Variants in CELSR1 observed in about 807,000 individuals in gnomAD.
The protein encoded by CELSR1 is cadherin EGF LAG seven-pass G-type receptor 1.
In CELSR1, 110 loss-of-function variants were observed where a neutral mutation model predicts 249.1. That is an observed-to-expected ratio of 0.44 (90% CI 0.38 to 0.52). CELSR1 has a LOEUF of 0.52. CELSR1 is among the 20% of genes least tolerant of loss of function. The pLI is 0.00. For missense variants in CELSR1, 4,109 were observed against 4,296.4 expected (o/e 0.96, Z 1.22); for synonymous variants, 2,113 against 1,900.0 (o/e 1.11, Z -2.92).
rs185656625 is a variant in CELSR1 at position 46,527,120 on chromosome 22, G to A, written c.3544+6507C>T. 6.6e-6 allele frequency among the ~76,000 whole-genome samples: 1 copy of A among 152,298 alleles called. No individual in the cohort carries two copies. ...TTGGTTTGCTCATCTCTAGGATGGA[G>A]GTGGCGACGGTACTTTCCATACCAC... is the stretch of plus-strand genomic sequence containing the variant. On this transcript the variant is annotated intron_variant, in intron 1 of 34. Coordinates refer to ENST00000674500, the MANE Select transcript of CELSR1 (RefSeq NM_001378328.1). The surrounding 1 kb of genome is among the most constrained non-coding windows in gnomAD (Gnocchi z 5.5).
At chr22:46,515,471 A>G (rs1311235273) in intron 1 of CELSR1, among the ~76,000 whole-genome samples, 1 of 152,096 alleles carries the variant, frequency 6.6e-6, no homozygotes, top group African/African-American at 2.4e-5. Context: ...CCTTAGACAG[A>G]AAATAGGAAA....
intron 1 of CELSR1, among the ~76,000 whole-genome samples, chr22:46,493,750 T>G (rs964608317): frequency 1.3e-5 from 2 of 152,118 alleles, no homozygotes; most frequent in African/African-American, 4.8e-5. Context: ...GACGTTTTTA[T>G]AGAGGAGTTC....
intron 28 of CELSR1, 43 bp downstream of exon 28, chr22:46,367,686 G>A (rs201263560): frequency 7.7e-6 from 12 of 1,565,920 alleles, no homozygotes; most frequent in African/African-American, 5.4e-5. Flanking sequence ...TGGTGTCACG[G>A]CGGCCAGGCA....
chr22:46,375,321 C>T lies in CELSR1; in HGVS notation c.7584+1740G>A, dbSNP rs183779864. Among the ~76,000 whole-genome samples the T allele has an allele frequency of 2.2e-4, 34 of 152,228 alleles. No individual in the cohort carries two copies. The East Asian group carries it at 5.6e-3, about 25-fold the overall frequency. On this transcript the variant is annotated intron_variant, in intron 24 of 34. Transcript: ENST00000674500. ...CCCATCTCACCCAGACCCTGCCTCT[C>T]AATGGGTGGTACCTTCAACTACTCA...
chr22:46,397,757 T>G lies in CELSR1; in HGVS notation c.5618A>C (p.Asp1873Ala). ...ACAGGGGCTCGAGGTACAGGGGTCG[T>G]CCACATCACAGCCGTCCTTCACCCT... ...KVRVKDGCDV[D>A]DPCTSSPCPP... The change falls in exon 12 of 35, where the codon GAC (aspartate) becomes GCC (alanine). Residue 1873 changes from aspartate to alanine, a missense_variant. Asp to Ala is a moderately radical substitution (Grantham distance 126, BLOSUM62 -2). Around this residue, in one of 7 missense-constraint regions of CELSR1, gnomAD observed 1,805 missense variants for 1,831.6 expected, o/e 0.99. Transcript: ENST00000674500. The G allele has an allele frequency of 6.2e-7, 1 of 1,601,522 alleles. No individual in the cohort carries two copies. The highest frequency in any genetic ancestry group is 1.1e-5 in the South Asian group (1 of 88,652).
chr22:46,396,384 G>A lies in CELSR1; in HGVS notation c.5843+221C>T, dbSNP rs1005840104. ...GATCGCGCCATTGCACTCCAGCCTG[G>A]GTGACAGAGCAAGACTCTGTCTCAA... On this transcript the variant is annotated intron_variant, in intron 13 of 34. Transcript: ENST00000674500. This position sits in a 1 kb window ranked among gnomAD's most constrained non-coding sequence, Gnocchi z 6.4. Among the ~76,000 whole-genome samples, 4 of 151,630 alleles carry A rather than the reference G, an allele frequency of 2.6e-5. No homozygotes were observed. The highest frequency in any genetic ancestry group is 5.9e-5 in the Non-Finnish European group (4 of 67,966).
intron 1 of CELSR1, among the ~76,000 whole-genome samples, chr22:46,476,662 C>T (rs932318509): frequency 1.6e-4 from 25 of 151,758 alleles, no homozygotes; most frequent in African/African-American, 3.9e-4. Flanking sequence ...ACAAACTTTC[C>T]GCCAAGTGAA....
chr22:46,452,059 T>A (rs1166200489), intron 2 of CELSR1, among the ~76,000 whole-genome samples: 2 of 152,274 alleles, frequency 1.3e-5, no homozygotes, highest in Non-Finnish European at 2.9e-5. Context: ...CAGCCGGCCC[T>A]GCCAACACCT....
rs527472234 is a variant in CELSR1 at position 46,413,572 on chromosome 22, C to T, written c.4612-1813G>A. On this transcript the variant is annotated intron_variant, in intron 5 of 34. Coordinates refer to ENST00000674500, the MANE Select transcript of CELSR1 (RefSeq NM_001378328.1). This position sits in a 1 kb window ranked among gnomAD's most constrained non-coding sequence, Gnocchi z 4.7. ...AACAGAGATACGTGAGTTTCCCACACGCCCTTGTCTGTAAATCCAAGGGAG... is the reference window on the plus strand; with the variant it reads ...AACAGAGATACGTGAGTTTCCCACATGCCCTTGTCTGTAAATCCAAGGGAG... Among the ~76,000 whole-genome samples the T allele has an allele frequency of 6.6e-5, 10 of 152,336 alleles. 2 individuals are homozygous for T. Among genetic ancestry groups the T allele is most frequent in the Non-Finnish European group, 5.9e-5 (4 of 68,038 alleles).
At chr22:46,378,534 GAGGGGC>G in intron 23 of CELSR1, 51 bp downstream of exon 23, 1 of 1,518,912 alleles carries the variant, frequency 6.6e-7, no homozygotes. Context: ...GTTTGGGGGG[GAGGGGC>G]AGGTTTGGCG....
At chr22:46,477,232 G>C (rs1210493618) in intron 1 of CELSR1, among the ~76,000 whole-genome samples, 1 of 152,132 alleles carries the variant, frequency 6.6e-6, no homozygotes, top group Non-Finnish European at 1.5e-5. Context: ...TTTATACCAT[G>C]AGCTAAATAT....
intron 5 of CELSR1, among the ~76,000 whole-genome samples, chr22:46,420,073 T>C (rs1241449162): frequency 6.9e-6 from 1 of 145,462 alleles, no homozygotes; most frequent in Non-Finnish European, 1.5e-5. Context: ...CGTGCGCTCA[T>C]ACTCACATGT....
intron 9 of CELSR1, among the ~76,000 whole-genome samples, chr22:46,404,676 A>G (rs1044023580): frequency 4.6e-5 from 7 of 152,210 alleles, no homozygotes; most frequent in Non-Finnish European, 7.3e-5. Context: ...TTTAGTAGAA[A>G]CAAGGTTTCT....
At chr22:46,394,318 T>A in intron 13 of CELSR1, 56 bp from the exon 14 acceptor site, 1 of 1,571,078 alleles carries the variant, frequency 6.4e-7, no homozygotes, top group East Asian at 2.2e-5. Flanking sequence ...CTTTCTGGAA[T>A]GAGAAGAGGC....
chr22:46,363,369 G>T lies in CELSR1; in HGVS notation c.9036-122C>A. The T allele has an allele frequency of 1.3e-6, 1 of 790,072 alleles. No homozygotes were observed. Among genetic ancestry groups the T allele is most frequent in the Non-Finnish European group, 2.0e-6 (1 of 494,762 alleles). 48.9% of individuals were successfully genotyped at this position (790,072 alleles called of 1,614,324 possible). A position where few individuals can be genotyped will look rare whatever the true frequency, so the allele number is the denominator to read the frequency against. On this transcript the variant is annotated intron_variant, in intron 34 of 34. Transcript: ENST00000674500. This position sits in a 1 kb window ranked among gnomAD's most constrained non-coding sequence, Gnocchi z 4.3. The stretch of plus-strand genomic sequence containing the variant: ...CATCAGGGTAGAGGGGGCGTCTGGG[G>T]GCTCCAGGGAGGGCAAGCTCATGTT...
At chr22:46,514,364 T>C (rs1056567372) in intron 1 of CELSR1, among the ~76,000 whole-genome samples, 1 of 152,204 alleles carries the variant, frequency 6.6e-6, no homozygotes, top group East Asian at 1.9e-4. Context: ...TATGTGATGC[T>C]GAAGCTCTTC....
At position 46,520,098 on chromosome 22, in the gene CELSR1, T is replaced by A. The variant is rs544258704; in HGVS notation, c.3544+13529A>T. Among the ~76,000 whole-genome samples the A allele has an allele frequency of 6.0e-3, 916 of 152,162 alleles. 7 individuals carry two copies. The highest frequency in any genetic ancestry group is 0.011 in the Non-Finnish European group (746 of 67,984). ...CAGGTTGGCCAGGCTGGTCTCCAAC[T>A]CCTGACCTCAGGTGATCCACCCGCC... On this transcript the variant is annotated intron_variant, in intron 1 of 34. Coordinates refer to ENST00000674500, the MANE Select transcript of CELSR1 (RefSeq NM_001378328.1).
In CELSR1 at chr22:46,526,928, G is replaced by A. The variant is rs142512115; in HGVS notation, c.3544+6699C>T. 7.2e-5 allele frequency among the ~76,000 whole-genome samples: 11 copies of A among 152,270 alleles called. No individual in the cohort carries two copies. Among genetic ancestry groups the A allele is most frequent in the East Asian group, 5.8e-4 (3 of 5,184 alleles). ...CGTCTTCTCACCAAAGCCGATTCCC[G>A]GTAAGGACTCTGGCTCAGGGAACGA... On this transcript the variant is annotated intron_variant, in intron 1 of 34. Coordinates refer to ENST00000674500, the MANE Select transcript of CELSR1 (RefSeq NM_001378328.1). The surrounding 1 kb of genome is among the most constrained non-coding windows in gnomAD (Gnocchi z 4.7).
At chr22:46,485,643 G>A (rs2080305695) in intron 1 of CELSR1, among the ~76,000 whole-genome samples, 1 of 152,150 alleles carries the variant, frequency 6.6e-6, no homozygotes, top group Non-Finnish European at 1.5e-5. Flanking sequence ...CAAGACAGGC[G>A]GCCAGCAGGC....
Sources: gnomAD v4.1 joint callset for allele counts (sites outside exome capture counted in the v4.1 genomes callset) on GRCh38, gnomAD v4.1.1 for gene constraint, gnomAD v4.1.1 regional missense constraint, Gnocchi (gnomAD v3.1) non-coding constraint, MANE v1.5 for transcripts, NCBI Gene and HGNC (gene_info 2026-07-23, HGNC 2026-07-21) for gene names.